The following WFDC8 variants were observed in gnomAD, a reference collection of about 807,000 sequenced individuals.
WFDC8 encodes WAP four-disulfide core domain protein 8.
Under a neutral mutation model 27.0 loss-of-function variants are expected in WFDC8, and 24 were observed. That is an observed-to-expected ratio of 0.89 (90% confidence interval 0.64 to 1.25). WFDC8 has a LOEUF of 1.25. WFDC8 is among the 50% of genes most tolerant of loss of function. The pLI is 0.00. For missense variants in WFDC8, 287 were observed against 295.9 expected (o/e 0.97, Z 0.22); for synonymous variants, 106 against 99.7 (o/e 1.06, Z -0.38).
intron 1 of WFDC8, among the ~76,000 whole-genome samples, chr20:45,564,189 T>C (rs909913683): frequency 6.6e-6 from 1 of 152,134 alleles, no homozygotes; most frequent in Non-Finnish European, 1.5e-5. Flanking sequence ...CAGTGGGGGC[T>C]CTGAAGAACT....
intron 4 of WFDC8, 123 bp downstream of exon 4, chr20:45,555,578 A>G: frequency 1.8e-6 from 2 of 1,113,102 alleles, no homozygotes; most frequent in Admixed American, 2.3e-5. Context: ...CCTCCCAGCC[A>G]GTGAATGACA....
rs539869751 is a variant in WFDC8, at chr20:45,560,449, G to A, written c.137-1457C>T. On this transcript the variant is annotated intron_variant, in intron 2 of 5. Coordinates refer to ENST00000289953, the MANE Select transcript of WFDC8 (RefSeq NM_130896.3). ...TTCTGACCCACAGATAATTTGTTAC[G>A]TAGCAAAGGATAGCTCATACAGCGC... Among the ~76,000 whole-genome samples the A allele has an allele frequency of 5.5e-4, 84 of 152,314 alleles. 1 individual carries two copies. Among genetic ancestry groups the A allele is most frequent in the African/African-American group, 1.8e-3 (73 of 41,556 alleles).
chr20:45,551,969 T>C lies in WFDC8; in HGVS notation c.*57A>G. ...TTGGATACAAGACAAAACTGACAGC[T>C]CTTTATCATGCTACTCATAATTAAT... On this transcript the variant is annotated 3_prime_UTR_variant, in exon 6 of 6. Transcript: ENST00000289953. 6.3e-7 allele frequency: 1 copy of C among 1,589,962 alleles called. No individual in the cohort carries two copies. The highest frequency in any genetic ancestry group is 8.6e-7 in the Non-Finnish European group (1 of 1,165,218).
chr20:45,570,414 A>T (rs1185390479), intron 1 of WFDC8, among the ~76,000 whole-genome samples: 3 of 150,518 alleles, frequency 2.0e-5, no homozygotes, highest in East Asian at 1.9e-4. Context: ...TATATATTTT[A>T]AAAAATTATG....
At chr20:45,561,161 T>C (rs6032324) in intron 2 of WFDC8, among the ~76,000 whole-genome samples, 58,249 of 152,016 alleles carry the variant, frequency 0.38, 11,645 homozygotes, top group Non-Finnish European at 0.43. Context: ...TGTATAAGCA[T>C]ACCTCATGGG....
chr20:45,558,940 C>CATGA lies in WFDC8; in HGVS notation c.188_189insTCAT (p.Asp64HisfsTer5). Reference sequence around the variant, plus strand: ...AGTCAAAATCTGTGTTACATGAGTCCGGAAGTTCAGTGGTACAGGTGAGCC... The same window carrying CATGA: ...AGTCAAAATCTGTGTTACATGAGTCCATGAGGAAGTTCAGTGGTACAGGTGAGCC... On this transcript the variant is annotated frameshift_variant, in exon 3 of 6. Transcript: ENST00000289953. LOFTEE classifies it high-confidence loss of function. The CATGA allele has an allele frequency of 6.2e-7, 1 of 1,614,160 alleles. No individual in the cohort carries two copies. The highest frequency in any genetic ancestry group is 1.1e-5 in the South Asian group (1 of 91,076).
At chr20:45,554,756 G>A (rs12481030) in intron 4 of WFDC8, among the ~76,000 whole-genome samples, 58,779 of 152,004 alleles carry the variant, frequency 0.39, 11,843 homozygotes, top group Non-Finnish European at 0.43. Context: ...AGGTCCCAGG[G>A]TTGCCTTGGC....
chr20:45,564,956 G>A (rs369602799), intron 1 of WFDC8, among the ~76,000 whole-genome samples: 1 of 93,290 alleles, frequency 1.1e-5, no homozygotes, highest in Admixed American at 1.2e-4. Flanking sequence ...AAAGAAGGAA[G>A]GAAGGAAGGA....
intron 2 of WFDC8, among the ~76,000 whole-genome samples, chr20:45,560,671 G>A (rs1980434577): frequency 6.6e-6 from 1 of 152,074 alleles, no homozygotes; most frequent in African/African-American, 2.4e-5. Context: ...CAATGCATTA[G>A]GGGCAAGTCT....
At chr20:45,564,867 G>A (rs370617141) in intron 1 of WFDC8, among the ~76,000 whole-genome samples, 4 of 120,614 alleles carry the variant, frequency 3.3e-5, no homozygotes, top group African/African-American at 1.2e-4. Context: ...GGAAAGGAGA[G>A]AAGAGGAGAG....
chr20:45,555,946 T>C (rs977832206), intron 3 of WFDC8, 78 bp from the exon 4 acceptor site: 30 of 1,444,752 alleles, frequency 2.1e-5, no homozygotes, highest in Non-Finnish European at 2.7e-5. Flanking sequence ...GCATTTCTCA[T>C]AACTCCTGGT....
intron 1 of WFDC8, among the ~76,000 whole-genome samples, chr20:45,574,918 G>C (rs1980993212): frequency 6.6e-6 from 1 of 152,142 alleles, no homozygotes; most frequent in African/African-American, 2.4e-5. Context: ...CAGAATTAGT[G>C]ATATAAATAA....
At chr20:45,560,654 G>A (rs545785588) in intron 2 of WFDC8, among the ~76,000 whole-genome samples, 1 of 152,260 alleles carries the variant, frequency 6.6e-6, no homozygotes, top group African/African-American at 2.4e-5. Flanking sequence ...GGTCAGATAG[G>A]ATAATACAAT....
At chr20:45,573,547 T>C (rs1980943097) in intron 1 of WFDC8, among the ~76,000 whole-genome samples, 1 of 152,220 alleles carries the variant, frequency 6.6e-6, no homozygotes, top group Non-Finnish European at 1.5e-5. Context: ...AGCGAAAACA[T>C]ATGGTATTTG....
At chr20:45,574,258 A>G (rs975867870) in intron 1 of WFDC8, among the ~76,000 whole-genome samples, 21 of 152,200 alleles carry the variant, frequency 1.4e-4, no homozygotes, top group Admixed American at 1.2e-3. Context: ...TGATGGCTTC[A>G]TGACTTCATT....
chr20:45,565,466 C>G (rs1018352073), intron 1 of WFDC8, among the ~76,000 whole-genome samples: 6 of 152,086 alleles, frequency 3.9e-5, no homozygotes, highest in African/African-American at 1.4e-4. Flanking sequence ...ATGAGCCACC[C>G]TGAAGTTCTC....
chr20:45,570,724 T>A (rs936694025), intron 1 of WFDC8, among the ~76,000 whole-genome samples: 1 of 152,228 alleles, frequency 6.6e-6, no homozygotes, highest in Non-Finnish European at 1.5e-5. Context: ...TGTAAGAAAC[T>A]GCCAAACTCT....
At position 45,555,893 on chromosome 20, in the gene WFDC8, A is replaced by C; in HGVS notation, c.278-25T>G. ...TCTGAGGTCAGGAAGCAAGGAAAGAAGGATATGAAGAGTAGAGATAAAAGA... is the reference window on the plus strand; with the variant it reads ...TCTGAGGTCAGGAAGCAAGGAAAGACGGATATGAAGAGTAGAGATAAAAGA... On this transcript the variant is annotated intron_variant, in intron 3 of 5. Coordinates refer to ENST00000289953, the MANE Select transcript of WFDC8 (RefSeq NM_130896.3). 4 of 1,609,318 alleles carry C rather than the reference A, an allele frequency of 2.5e-6. No homozygotes were observed. In the South Asian group the frequency reaches 4.4e-5, roughly 18 times the overall value.
Position 45,579,186 on chromosome 20 carries a change from T to C in WFDC8, c.26+36A>G, listed in dbSNP as rs1474512686. The C allele has an allele frequency of 6.8e-6, 11 of 1,610,288 alleles. No homozygotes were observed. The East Asian group carries it at 2.0e-4, about 29-fold the overall frequency. Reference sequence around the variant, plus strand: ...CATCTCCTTGGGCTCAGACCCTCCATGTCTGGCTACCCACCCCCATAGACA... The same window carrying C: ...CATCTCCTTGGGCTCAGACCCTCCACGTCTGGCTACCCACCCCCATAGACA... On this transcript the variant is annotated intron_variant, in intron 1 of 5. Transcript: ENST00000289953.
Sources: gnomAD v4.1 joint callset for allele counts (sites outside exome capture counted in the v4.1 genomes callset) on GRCh38, gnomAD v4.1.1 for gene constraint, MANE v1.5 for transcripts, NCBI Gene and HGNC (gene_info 2026-07-23, HGNC 2026-07-21) for gene names.